Variants in CCDC66 observed in about 807,000 individuals in gnomAD.
The protein encoded by CCDC66 is coiled-coil domain containing 66, also known as coiled-coil domain-containing protein 66.
Under a neutral mutation model 128.3 loss-of-function variants are expected in CCDC66, and 133 were observed. That is an observed-to-expected ratio of 1.04 (90% CI 0.90 to 1.20). The LOEUF (loss-of-function observed/expected upper bound fraction) is 1.20. Ranked by LOEUF, CCDC66 falls within the 50% of genes most tolerant of loss-of-function variation. CCDC66 has a pLI of 0.00. For missense variants in CCDC66, 1,126 were observed against 1,075.5 expected, an observed-to-expected ratio of 1.05 and a Z score of -0.66; for synonymous variants, 387 against 357.0, an observed-to-expected ratio of 1.08 and a Z score of -0.95.
intron 7 of CCDC66, among the ~76,000 whole-genome samples, chr3:56,592,382 A>G (rs1280609689): frequency 6.6e-6 from 1 of 152,178 alleles, no homozygotes; most frequent in Non-Finnish European, 1.5e-5. Flanking sequence ...TATTTTTGAG[A>G]CAGGGTCTCA....
At chr3:56,612,154 T>A (rs1367469776) in intron 10 of CCDC66, among the ~76,000 whole-genome samples, 3 of 152,256 alleles carry the variant, frequency 2.0e-5, no homozygotes, top group Non-Finnish European at 2.9e-5. Context: ...TCTGCATATC[T>A]GGTATAACGA....
At chr3:56,571,744 G>T (rs2066652595) in intron 7 of CCDC66, among the ~76,000 whole-genome samples, 2 of 151,984 alleles carry the variant, frequency 1.3e-5, no homozygotes, top group Admixed American at 6.6e-5. Flanking sequence ...AAAGAAACAG[G>T]GTCTTGCTCT....
chr3:56,603,934 G>T (rs2073657622), intron 10 of CCDC66, among the ~76,000 whole-genome samples: 1 of 151,978 alleles, frequency 6.6e-6, no homozygotes, highest in South Asian at 2.1e-4. Context: ...TCTCTTTGTA[G>T]GTCTCTAAGG....
intron 6 of CCDC66, among the ~76,000 whole-genome samples, chr3:56,569,075 C>G (rs2066270492): frequency 1.3e-5 from 2 of 152,172 alleles, no homozygotes; most frequent in Non-Finnish European, 2.9e-5. Flanking sequence ...CTGAGTGGCT[C>G]ACATGTAATC....
At chr3:56,576,796 T>C (rs1308552532) in intron 7 of CCDC66, among the ~76,000 whole-genome samples, 1 of 151,344 alleles carries the variant, frequency 6.6e-6, no homozygotes, top group Non-Finnish European at 1.5e-5. Flanking sequence ...TTCCATGGTG[T>C]ATGTGTATTA....
At chr3:56,617,670 G>T (rs190716195) in intron 14 of CCDC66, 65 bp downstream of exon 14, 17 of 1,518,826 alleles carry the variant, frequency 1.1e-5, no homozygotes, top group Non-Finnish European at 1.5e-5. Context: ...TTTCTCATAC[G>T]TATGCTTTGG....
At chr3:56,570,320 CTTTTATGT>C (rs973578159) in intron 6 of CCDC66, 3 of 152,098 alleles carry the variant, frequency 2.0e-5, no homozygotes, top group African/African-American at 7.2e-5. Flanking sequence ...CAGACACAGG[CTTTTATGT>C]TTTTTACTTG....
At chr3:56,581,038 C>G (rs879669567) in intron 7 of CCDC66, among the ~76,000 whole-genome samples, 2 of 151,990 alleles carry the variant, frequency 1.3e-5, no homozygotes, top group African/African-American at 2.4e-5. Context: ...CCATCACTTT[C>G]AGGTACACGA....
intron 10 of CCDC66, among the ~76,000 whole-genome samples, chr3:56,599,536 A>C (rs1370265931): frequency 6.6e-6 from 1 of 151,840 alleles, no homozygotes; most frequent in Non-Finnish European, 1.5e-5. Context: ...TATTGCTAAA[A>C]TTTCCCTCTT....
At position 56,619,858 on chromosome 3, in the gene CCDC66, A is replaced by G; in HGVS notation, c.2717A>G (p.Asp906Gly). Reference sequence around the variant, plus strand: ...AATCCTAACATGGTGAAAAATAGGGATCGACAGCAAGCAATCCTTAAGGGA... The same window carrying G: ...AATCCTAACATGGTGAAAAATAGGGGTCGACAGCAAGCAATCCTTAAGGGA... The part of the protein sequence containing the change: ...LLNPNMVKNR[D>G]RQQAILKGLS... The change falls in exon 17 of 18, where the codon GAT becomes GGT. Residue 906 changes from aspartate (D) to glycine (G), a missense_variant. Transcript: ENST00000394672. 1 of 1,614,136 alleles carries G rather than the reference A, an allele frequency of 6.2e-7. No homozygotes were observed. Among genetic ancestry groups the G allele is most frequent in the Non-Finnish European group, 8.5e-7 (1 of 1,179,974 alleles).
intron 7 of CCDC66, among the ~76,000 whole-genome samples, chr3:56,576,776 G>A (rs189030227): frequency 6.6e-5 from 10 of 151,676 alleles, no homozygotes; most frequent in African/African-American, 2.4e-4. Flanking sequence ...TGGTGTATAT[G>A]TGCATAGTAT....
At chr3:56,581,352 C>T (rs2068333243) in intron 7 of CCDC66, among the ~76,000 whole-genome samples, 1 of 151,832 alleles carries the variant, frequency 6.6e-6, no homozygotes. Context: ...TGGGTTGGAA[C>T]ATCCTCCTTT....
At chr3:56,594,805 C>A (rs891863797) in intron 10 of CCDC66, among the ~76,000 whole-genome samples, 2 of 152,058 alleles carry the variant, frequency 1.3e-5, no homozygotes, top group Non-Finnish European at 2.9e-5. Context: ...TTCTTCAAAT[C>A]CTTTGATATA....
chr3:56,616,864 CCA>C, intron 13 of CCDC66: 1 of 366,364 alleles, frequency 2.7e-6, no homozygotes, highest in Non-Finnish European at 4.9e-6. Flanking sequence ...CATTTCCCCC[CCA>C]GTGACTGATG....
intron 10 of CCDC66, among the ~76,000 whole-genome samples, chr3:56,598,079 C>T (rs1157011553): frequency 6.6e-6 from 1 of 151,654 alleles, no homozygotes; most frequent in Non-Finnish European, 1.5e-5. Flanking sequence ...CCAGTGGAGT[C>T]TAGGGTTTTT....
chr3:56,574,839 A>G (rs1213328330), intron 7 of CCDC66, among the ~76,000 whole-genome samples: 5 of 151,820 alleles, frequency 3.3e-5, no homozygotes, highest in Non-Finnish European at 4.4e-5. Context: ...AATGTCCTCA[A>G]GGTTTACCCA....
intron 10 of CCDC66, among the ~76,000 whole-genome samples, chr3:56,612,301 T>G (rs2074947989): frequency 6.6e-6 from 1 of 152,172 alleles, no homozygotes; most frequent in South Asian, 2.1e-4. Flanking sequence ...ATCTGTGGTA[T>G]CTGTAATTTC....
At chr3:56,568,897 C>T (rs910184368) in intron 6 of CCDC66, among the ~76,000 whole-genome samples, 3 of 152,270 alleles carry the variant, frequency 2.0e-5, no homozygotes, top group Non-Finnish European at 2.9e-5. Context: ...TTGGAGTCTG[C>T]GTATCACAAT....
At chr3:56,596,757 A>C (rs774183301) in intron 10 of CCDC66, among the ~76,000 whole-genome samples, 1 of 113,514 alleles carries the variant, frequency 8.8e-6, no homozygotes, top group South Asian at 2.6e-4. Flanking sequence ...ATCCATCTTG[A>C]ATTTTTTTTT....
Sources: allele counts gnomAD v4.1 joint callset (sites outside exome capture counted in the v4.1 genomes callset), GRCh38; gene constraint gnomAD v4.1.1; transcripts MANE v1.5; gene names NCBI Gene and HGNC (gene_info 2026-07-23, HGNC 2026-07-21).